Variants in ANO2 observed in about 807,000 individuals in gnomAD.
ANO2 encodes the protein anoctamin 2.
A neutral mutation model predicts 124.2 loss-of-function variants in ANO2; 101 were observed. That is an observed-to-expected ratio of 0.81 (90% CI 0.69 to 0.96). The LOEUF is 0.96. ANO2 is among the 40% of genes least tolerant of loss of function. ANO2 has a pLI of 0.00. For synonymous variants in ANO2, 486 were observed against 482.5 expected, an observed-to-expected ratio of 1.01 and a Z score of -0.09; for missense variants, 1,293 against 1,274.5, an observed-to-expected ratio of 1.01 and a Z score of -0.22.
intron 23 of ANO2, among the ~76,000 whole-genome samples, chr12:5,574,882 T>A (rs1457355996): frequency 6.6e-6 from 1 of 152,218 alleles, no homozygotes; most frequent in Non-Finnish European, 1.5e-5. Flanking sequence ...ATGTACTTTA[T>A]CCCATCTCTT....
At chr12:5,677,788 C>A in intron 14 of ANO2, among the ~76,000 whole-genome samples, 1 of 152,166 alleles carries the variant, frequency 6.6e-6, no homozygotes, top group East Asian at 1.9e-4. Flanking sequence ...GCATTTGTCC[C>A]GGCTTTTCTT....
At chr12:5,663,976 C>G (rs912794763) in intron 14 of ANO2, among the ~76,000 whole-genome samples, 12 of 152,182 alleles carry the variant, frequency 7.9e-5, no homozygotes, top group Non-Finnish European at 2.9e-5. Context: ...GGCTATGAAA[C>G]AGTTACAGTG....
intron 16 of ANO2, among the ~76,000 whole-genome samples, chr12:5,618,235 A>G (rs1225546388): frequency 6.6e-6 from 1 of 152,180 alleles, no homozygotes; most frequent in Non-Finnish European, 1.5e-5. Flanking sequence ...TCCTATGCAC[A>G]GGTGAACCTG....
chr12:5,578,369 T>C lies in ANO2; in HGVS notation c.2383A>G (p.Ile795Val). The C allele has an allele frequency of 6.2e-7, 1 of 1,613,602 alleles. No individual in the cohort carries two copies. Among genetic ancestry groups the C allele is most frequent in the Non-Finnish European group, 8.5e-7 (1 of 1,179,708 alleles). ...GGCCTCTAAGTGGGGCACGTACCGA[T>C]ATCTTTGGTTCTTACAGCATCCGGC... ...RRPDAVRTKDIGIWFDILSGI... is the reference protein window; with the variant it reads ...RRPDAVRTKDVGIWFDILSGI... The change falls in exon 21 of 25, where the codon ATC becomes GTC. Residue 795 changes from isoleucine (I) to valine (V), a missense_variant. Transcript: ENST00000682330.
chr12:5,692,729 G>A (rs945976446), intron 14 of ANO2, among the ~76,000 whole-genome samples: 1 of 152,168 alleles, frequency 6.6e-6, no homozygotes, highest in Non-Finnish European at 1.5e-5. Context: ...AGTAGCCTAG[G>A]TGGTCTGGAG....
rs11063858 is a variant in ANO2 at position 5,775,730 on chromosome 12, C to A, written c.1055+23777G>T. Among the ~76,000 whole-genome samples the A allele has an allele frequency of 8.5e-3, 1,299 of 152,224 alleles. 5 individuals carry two copies. The highest frequency in any genetic ancestry group is 0.015 in the Non-Finnish European group (999 of 67,990). ...CCTGCCTCGGCCTCCCAAAGTGCAT[C>A]AATCTTTTATTTAGATGTGTGTCAG... is the stretch of plus-strand genomic sequence containing the variant. On this transcript the variant is annotated intron_variant, in intron 10 of 24. Coordinates refer to ENST00000682330, the MANE Select transcript of ANO2 (RefSeq NM_001364791.2).
chr12:5,822,206 G>A (rs772702085), intron 7 of ANO2, among the ~76,000 whole-genome samples: 2 of 152,200 alleles, frequency 1.3e-5, no homozygotes, highest in East Asian at 1.9e-4. Flanking sequence ...ACTGATTCAC[G>A]GGCTGTAGCC....
chr12:5,569,615 C>T (rs183715871), intron 23 of ANO2, among the ~76,000 whole-genome samples: 177 of 152,242 alleles, frequency 1.2e-3, no homozygotes, highest in African/African-American at 3.7e-3. Context: ...TCCCCATTTC[C>T]GAACCTAGGT....
intron 14 of ANO2, among the ~76,000 whole-genome samples, chr12:5,686,544 T>C (rs1948713635): frequency 6.6e-6 from 1 of 152,026 alleles, no homozygotes; most frequent in Admixed American, 6.5e-5. Context: ...AAAATAGAGG[T>C]ATATTTAAGG....
chr12:5,906,360 A>AG lies in ANO2; in HGVS notation c.534+14679_534+14680insC, dbSNP rs1010178305. Among the ~76,000 whole-genome samples the AG allele has an allele frequency of 4.2e-4, 64 of 150,660 alleles. No individual in the cohort carries two copies. In the East Asian group the frequency reaches 0.012, roughly 29 times the overall value. The stretch of plus-strand genomic sequence containing the variant: ...GTCACACATTGTTAAAAAAAAAAAA[A>AG]AAAGAAAAAGAAAAAAAGAGGCCAT... On this transcript the variant is annotated intron_variant, in intron 3 of 24. Coordinates refer to ENST00000682330, the MANE Select transcript of ANO2 (RefSeq NM_001364791.2).
chr12:5,667,576 G>A (rs1947790996), intron 14 of ANO2, among the ~76,000 whole-genome samples: 1 of 152,174 alleles, frequency 6.6e-6, no homozygotes, highest in African/African-American at 2.4e-5. Context: ...CAGGGTACAT[G>A]TGGAGGACGT....
intron 23 of ANO2, among the ~76,000 whole-genome samples, chr12:5,571,556 C>T (rs569683373): frequency 2.0e-5 from 3 of 152,198 alleles, no homozygotes; most frequent in Non-Finnish European, 2.9e-5. Context: ...GTTCCCAACG[C>T]TATTTGCCAG....
intron 14 of ANO2, among the ~76,000 whole-genome samples, chr12:5,703,375 C>A (rs1237575473): frequency 6.6e-6 from 1 of 152,022 alleles, no homozygotes; most frequent in Non-Finnish European, 1.5e-5. Context: ...GCAGTGGTAA[C>A]GTCAAGGAAG....
At chr12:5,911,265 C>A (rs1343919045) in intron 3 of ANO2, among the ~76,000 whole-genome samples, 1 of 152,200 alleles carries the variant, frequency 6.6e-6, no homozygotes, top group Non-Finnish European at 1.5e-5. Flanking sequence ...CAGTAAATGT[C>A]TGCTACATGA....
At chr12:5,832,624 G>A in intron 4 of ANO2, 21 bp from the exon 5 acceptor site, 1 of 1,598,070 alleles carries the variant, frequency 6.3e-7, no homozygotes, top group Non-Finnish European at 8.5e-7. Context: ...AAGAGCCACA[G>A]GTCTGAAAAG....
At chr12:5,702,325 A>C (rs1448344253) in intron 14 of ANO2, among the ~76,000 whole-genome samples, 2 of 152,208 alleles carry the variant, frequency 1.3e-5, no homozygotes, top group African/African-American at 2.4e-5. Context: ...AATTCCATTA[A>C]AAAAATCAAA....
intron 10 of ANO2, among the ~76,000 whole-genome samples, chr12:5,798,730 A>T (rs919394381): frequency 6.6e-6 from 1 of 152,208 alleles, no homozygotes; most frequent in Non-Finnish European, 1.5e-5. Flanking sequence ...ATCAAAGAGG[A>T]ATTGGGGCTT....
At chr12:5,905,038 A>C (rs1162498917) in intron 3 of ANO2, among the ~76,000 whole-genome samples, 4 of 152,170 alleles carry the variant, frequency 2.6e-5, no homozygotes, top group African/African-American at 9.7e-5. Context: ...CCCCATGCCA[A>C]GCTCAGACAG....
intron 20 of ANO2, 142 bp downstream of exon 20, chr12:5,599,342 G>T: frequency 9.8e-7 from 1 of 1,023,314 alleles, no homozygotes; most frequent in Non-Finnish European, 1.4e-6. Flanking sequence ...GGCACTGAAG[G>T]GAACACTGAA....
Sources: gnomAD v4.1 joint callset for allele counts (sites outside exome capture counted in the v4.1 genomes callset) on GRCh38, gnomAD v4.1.1 for gene constraint, MANE v1.5 for transcripts, NCBI Gene and HGNC (gene_info 2026-07-23, HGNC 2026-07-21) for gene names.